The following GAN variants were observed in gnomAD, a reference collection of about 807,000 sequenced individuals.
GAN encodes the protein gigaxonin, also known as epididymis secretory sperm binding protein.
Under a neutral mutation model 71.3 loss-of-function variants are expected in GAN, and 48 were observed. The ratio of observed to expected loss-of-function variants is 0.67; its 90% confidence interval spans 0.53 to 0.86. The LOEUF (loss-of-function observed/expected upper bound fraction) is 0.86. Ranked by LOEUF, GAN falls within the 40% of genes least tolerant of loss-of-function variation. The pLI, the probability that GAN is intolerant of heterozygous loss-of-function variation, is 0.00. For missense variants in GAN, 928 were observed against 770.1 expected (o/e 1.21, Z -2.43); for synonymous variants, 386 against 276.8 (o/e 1.39, Z -3.92).
intron 9 of GAN, among the ~76,000 whole-genome samples, chr16:81,376,465 A>ATGTGTGTGTGTGTG (rs56782049): frequency 2.0e-4 from 26 of 127,140 alleles, no homozygotes; most frequent in East Asian, 4.8e-4. Flanking sequence ...ATACATACAT[A>ATGTGTGTGTGTGTG]TGTGTGTGTG....
In GAN at chr16:81,386,536, A is replaced by G. The variant is rs1212297639; in HGVS notation, c.*8940A>G. On this transcript the variant is annotated 3_prime_UTR_variant, in exon 11 of 11. Coordinates refer to ENST00000648994, the MANE Select transcript of GAN (RefSeq NM_022041.4). ...ACTTAATCCTTCTATGGTATCATAC[A>G]CTTCTTTTCCTGGTTAGGTTATGAG... 2.6e-5 allele frequency: 4 copies of G among 152,356 alleles called. No homozygotes were observed. The highest frequency in any genetic ancestry group is 5.9e-5 in the Non-Finnish European group (4 of 68,032). The allele number at this position is 152,356 out of a possible 1,614,324, so 9.4% of individuals were successfully genotyped here.
intron 1 of GAN, among the ~76,000 whole-genome samples, chr16:81,332,983 T>C (rs1294209811): frequency 6.6e-6 from 1 of 152,128 alleles, no homozygotes; most frequent in Non-Finnish European, 1.5e-5. Context: ...CTCATGCCTG[T>C]AATCCCAGCA....
chr16:81,366,623 C>T (rs1910865589), intron 9 of GAN, among the ~76,000 whole-genome samples: 1 of 152,152 alleles, frequency 6.6e-6, no homozygotes, highest in African/African-American at 2.4e-5. Flanking sequence ...CATGTAAATG[C>T]TGCCTAACAT....
intron 1 of GAN, among the ~76,000 whole-genome samples, chr16:81,333,678 C>G (rs1199028511): frequency 1.3e-5 from 2 of 152,308 alleles, no homozygotes; most frequent in South Asian, 2.1e-4. Flanking sequence ...GTCAGTTCCT[C>G]AAGGATGGAG....
At chr16:81,318,001 C>T (rs944583322) in intron 1 of GAN, among the ~76,000 whole-genome samples, 4 of 152,042 alleles carry the variant, frequency 2.6e-5, no homozygotes, top group Non-Finnish European at 5.9e-5. Flanking sequence ...ATTATCAATT[C>T]CGAAGCTGTT....
intron 1 of GAN, among the ~76,000 whole-genome samples, chr16:81,328,649 A>ATTAT (rs376926774): frequency 6.8e-6 from 1 of 146,990 alleles, no homozygotes; most frequent in Non-Finnish European, 1.5e-5. Flanking sequence ...TGTGTATCTT[A>ATTAT]TTTTTTTTTT....
chr16:81,324,537 G>A (rs1259276419), intron 1 of GAN, among the ~76,000 whole-genome samples: 1 of 152,142 alleles, frequency 6.6e-6, no homozygotes, highest in Non-Finnish European at 1.5e-5. Flanking sequence ...TGGAGATGGT[G>A]AGCAAAGGGT....
At chr16:81,350,829 TTA>T (rs1178807899) in intron 1 of GAN, among the ~76,000 whole-genome samples, 1 of 152,108 alleles carries the variant, frequency 6.6e-6, no homozygotes, top group African/African-American at 2.4e-5. Flanking sequence ...GAAAAATTCT[TTA>T]ACATAGCACA....
chr16:81,341,391 G>A (rs1284527477), intron 1 of GAN, among the ~76,000 whole-genome samples: 1 of 152,202 alleles, frequency 6.6e-6, no homozygotes, highest in Non-Finnish European at 1.5e-5. Flanking sequence ...CAGAGAGAAA[G>A]GTCGGGTTAC....
intron 1 of GAN, among the ~76,000 whole-genome samples, chr16:81,345,498 A>C (rs1388796963): frequency 6.6e-6 from 1 of 152,212 alleles, no homozygotes; most frequent in African/African-American, 2.4e-5. Context: ...TCACAAGATC[A>C]GAAAACCAAA....
At chr16:81,324,168 C>T (rs750038594) in intron 1 of GAN, among the ~76,000 whole-genome samples, 3 of 152,278 alleles carry the variant, frequency 2.0e-5, no homozygotes, top group Non-Finnish European at 4.4e-5. Context: ...ATCACATTTA[C>T]AGAAATGACT....
chr16:81,353,127 TAA>T (rs1452839868), intron 2 of GAN, among the ~76,000 whole-genome samples: 1 of 151,992 alleles, frequency 6.6e-6, no homozygotes, highest in African/African-American at 2.4e-5. Context: ...CCGTCTCTAC[TAA>T]AAATACAAAA....
At chr16:81,333,907 CTG>C (rs553399540) in intron 1 of GAN, among the ~76,000 whole-genome samples, 450 of 152,252 alleles carry the variant, frequency 3.0e-3, no homozygotes, top group African/African-American at 0.01. Flanking sequence ...TCCTGGGGTG[CTG>C]TGTGTGTGCT....
chr16:81,372,624 G>T (rs1597411184), intron 9 of GAN, among the ~76,000 whole-genome samples: 1 of 152,306 alleles, frequency 6.6e-6, no homozygotes, highest in African/African-American at 2.4e-5. Context: ...AATCATTGAT[G>T]TGCTTGGGAC....
intron 4 of GAN, 51 bp downstream of exon 4, chr16:81,357,053 T>A: frequency 1.9e-6 from 2 of 1,052,428 alleles, no homozygotes; most frequent in Non-Finnish European, 3.0e-6. Context: ...GAAGAGGTAG[T>A]TCCATGTAAA....
At chr16:81,365,617 T>C in intron 9 of GAN, 139 bp downstream of exon 9, 1 of 833,284 alleles carries the variant, frequency 1.2e-6, no homozygotes, top group Non-Finnish European at 2.1e-6. Flanking sequence ...ATACTAGATA[T>C]TTATTCAGTG....
intron 1 of GAN, among the ~76,000 whole-genome samples, chr16:81,316,966 C>G (rs950086700): frequency 6.6e-6 from 1 of 152,186 alleles, no homozygotes; most frequent in Non-Finnish European, 1.5e-5. Flanking sequence ...TCAAGCGATT[C>G]TCCTGCCTCA....
At chr16:81,317,935 T>C (rs1909100271) in intron 1 of GAN, among the ~76,000 whole-genome samples, 1 of 152,332 alleles carries the variant, frequency 6.6e-6, no homozygotes, top group East Asian at 1.9e-4. Flanking sequence ...ACAGATGAAT[T>C]GCTTTAAGTT....
At chr16:81,316,323 C>T (rs933112367) in intron 1 of GAN, among the ~76,000 whole-genome samples, 2 of 145,856 alleles carry the variant, frequency 1.4e-5, no homozygotes, top group Non-Finnish European at 1.5e-5. Context: ...ATTCTTAGCG[C>T]TTTGTCCCAG....
Sources: gnomAD v4.1 joint callset for allele counts (sites outside exome capture counted in the v4.1 genomes callset) on GRCh38, gnomAD v4.1.1 for gene constraint, MANE v1.5 for transcripts, NCBI Gene and HGNC (gene_info 2026-07-23, HGNC 2026-07-21) for gene names.